Variants in CANT1 observed in about 807,000 individuals in gnomAD.
CANT1 encodes calcium activated nucleotidase 1.
In CANT1, 26 loss-of-function variants were observed where a neutral mutation model predicts 30.0. The observed-to-expected ratio is 0.87, with a 90% CI of 0.64 to 1.20. The LOEUF (loss-of-function observed/expected upper bound fraction) is 1.20, where lower values mean the gene tolerates loss of function less well. Among genes scored for constraint, CANT1 ranks in the 50% most tolerant of loss-of-function variants. CANT1 has a pLI of 0.00. For missense variants in CANT1, 518 were observed against 563.0 expected, an observed-to-expected ratio of 0.92 and a Z score of 0.81; for synonymous variants, 246 against 251.8, an observed-to-expected ratio of 0.98 and a Z score of 0.22.
At position 79,002,032 on chromosome 17, in the gene CANT1, C is replaced by T. The variant is rs796099154; in HGVS notation, c.-146-4069G>A. 6.6e-6 allele frequency among the ~76,000 whole-genome samples: 1 copy of T among 152,044 alleles called. No homozygotes were observed. The highest frequency in any genetic ancestry group is 2.1e-4 in the South Asian group (1 of 4,818). On this transcript the variant is annotated intron_variant, in intron 1 of 4. Coordinates refer to ENST00000392446, the MANE Select transcript of CANT1 (RefSeq NM_001159773.2). This position sits in a 1 kb window ranked among gnomAD's most constrained non-coding sequence, Gnocchi z 4.0. ...TCCCTTCTCCCCATCCACACAGCCT[C>T]GGCTCCAGTTCCATCTCACCCTGAT...
chr17:78,993,993 C>T lies in CANT1; in HGVS notation c.836-73G>A, dbSNP rs376806775. On this transcript the variant is annotated intron_variant, in intron 4 of 4. Transcript: ENST00000392446. This position sits in a 1 kb window ranked among gnomAD's most constrained non-coding sequence, Gnocchi z 4.5. ...CCCAGCCCCACACCATCAGGCCGTG[C>T]GCAGTAGCAGGCAAGGGGCTGCGAC... The T allele has an allele frequency of 3.4e-5, 51 of 1,500,940 alleles. No individual in the cohort carries two copies. Among genetic ancestry groups the T allele is most frequent in the African/African-American group, 9.7e-5 (7 of 72,216 alleles). The allele number at this position is 1,500,940 out of a possible 1,614,324, so 93.0% of individuals were successfully genotyped here. A position where few individuals can be genotyped will look rare whatever the true frequency, so the allele number is the denominator to read the frequency against.
chr17:79,001,276 A>C (rs1172275721), intron 1 of CANT1, among the ~76,000 whole-genome samples: 5 of 152,084 alleles, frequency 3.3e-5, no homozygotes, highest in African/African-American at 9.6e-5. Flanking sequence ...ATTCCTGTCA[A>C]ATCTCCGGCC....
chr17:78,997,464 A>G lies in CANT1; in HGVS notation c.159T>C (p.Ala53=), dbSNP rs8077024. The G allele has an allele frequency of 0.32, 510,405 of 1,594,492 alleles. 86,903 individuals carry two copies. The highest frequency in any genetic ancestry group is 0.62 in the East Asian group (27,679 of 44,514). The change falls in exon 3 of 5, where the codon GCT becomes GCC. Residue 53 remains alanine, a synonymous_variant. Transcript: ENST00000392446. The surrounding 1 kb of genome is among the most constrained non-coding windows in gnomAD (Gnocchi z 7.5). ...GGGAGCAGAGCAGCCAGAGGATGGC[A>G]GCACCCACAAAGAACGTCAGGATCA... ...WKVILTFFVG[A]AILWLLCSHR...
Position 78,992,867 on chromosome 17 carries a change from A to C in CANT1, c.*683T>G. ...TTTAATTAAAGCAGGTTAATAATTA[A>C]AACTTCAAAGTACTGCACAGCCACA... On this transcript the variant is annotated 3_prime_UTR_variant, in exon 5 of 5. Transcript: ENST00000392446. 2.7e-6 allele frequency: 1 copy of C among 370,862 alleles called. No homozygotes were observed. Among genetic ancestry groups the C allele is most frequent in the South Asian group, 2.9e-5 (1 of 34,770 alleles). 23.0% of individuals were successfully genotyped at this position (370,862 alleles called of 1,614,324 possible).
rs1335741553 is a variant in CANT1 at position 78,997,249 on chromosome 17, CA to C, written c.373del (p.Trp125GlyfsTer5). On this transcript the variant is annotated frameshift_variant, in exon 3 of 5. Transcript: ENST00000392446. LOFTEE classifies it high-confidence loss of function. The surrounding 1 kb of genome is among the most constrained non-coding windows in gnomAD (Gnocchi z 7.5). ...TESRAQEENTWFSYLKKGYLT... is the reference protein window; with the variant it reads ...TESRAQEENTXFSYLKKGYLT... ...GTAGCCCTTTTTCAGGTAACTGAACCAGGTGTTTTCCTCTTGGGCCCTTGAC... is the reference window on the plus strand; with the variant it reads ...GTAGCCCTTTTTCAGGTAACTGAACCGGTGTTTTCCTCTTGGGCCCTTGAC... 6.2e-7 allele frequency: 1 copy of C among 1,614,234 alleles called. No individual in the cohort carries two copies. Among genetic ancestry groups the C allele is most frequent in the Non-Finnish European group, 8.5e-7 (1 of 1,180,050 alleles).
At position 79,002,514 on chromosome 17, in the gene CANT1, TGTAGACGCGGCCTGC is replaced by T. The variant is rs966258678; in HGVS notation, c.-146-4566_-146-4552del. Among the ~76,000 whole-genome samples the T allele has an allele frequency of 4.6e-5, 7 of 152,042 alleles. No individual in the cohort carries two copies. The highest frequency in any genetic ancestry group is 7.2e-5 in the African/African-American group (3 of 41,384). On this transcript the variant is annotated intron_variant, in intron 1 of 4. Coordinates refer to ENST00000392446, the MANE Select transcript of CANT1 (RefSeq NM_001159773.2). The surrounding 1 kb of genome is among the most constrained non-coding windows in gnomAD (Gnocchi z 4.0). ...CTTGGTGTGTAGACTCTGCCTGGTG[TGTAGACGCGGCCTGC>T]GTAGACGCGGCCTGCTGTGTAGTCA...
Position 78,997,295 on chromosome 17 carries a change from T to C in CANT1, c.328A>G (p.Ile110Val), listed in dbSNP as rs771678393. The C allele has an allele frequency of 6.2e-7, 1 of 1,614,104 alleles. No homozygotes were observed. Among genetic ancestry groups the C allele is most frequent in the African/African-American group, 1.3e-5 (1 of 74,936 alleles). The change falls in exon 3 of 5, where the codon ATC becomes GTC. Residue 110 changes from isoleucine (I) to valine (V), a missense_variant. Physicochemically the swap from Ile to Val is conservative, Grantham distance 29. This residue lies in a region of CANT1 where 249 missense variants were observed against 268.8 expected (regional missense o/e 0.93). Transcript: ENST00000392446. The surrounding 1 kb of genome is among the most constrained non-coding windows in gnomAD (Gnocchi z 7.5). ...PAGIRYRIAV[I>V]ADLDTESRAQ... The stretch of plus-strand genomic sequence containing the variant: ...CTTGACTCTGTGTCCAGGTCTGCGA[T>C]AACTGCGATTCGATACCGAATCCCA...
chr17:78,999,878 C>A (rs1012953861), intron 1 of CANT1, among the ~76,000 whole-genome samples: 6 of 152,026 alleles, frequency 3.9e-5, no homozygotes, highest in African/African-American at 1.4e-4. Context: ...GTCTTGAACT[C>A]CTGACCTCAG....
In CANT1 at chr17:78,997,753, A is replaced by G. The variant is rs1460278244; in HGVS notation, c.-23+87T>C. On this transcript the variant is annotated intron_variant, in intron 2 of 4. Coordinates refer to ENST00000392446, the MANE Select transcript of CANT1 (RefSeq NM_001159773.2). This position sits in a 1 kb window ranked among gnomAD's most constrained non-coding sequence, Gnocchi z 7.5. ...GGCTGACTTTTCCAGAAGAAACAGT[A>G]TTTCACTACTCTGTGGCCATTCTTA... 8 of 936,344 alleles carry G rather than the reference A, an allele frequency of 8.5e-6. No homozygotes were observed. Among genetic ancestry groups the G allele is most frequent in the Non-Finnish European group, 1.2e-5 (8 of 644,202 alleles). The allele number at this position is 936,344 out of a possible 1,614,324, so 58.0% of individuals were successfully genotyped here.
rs141394010 is a variant in CANT1, at chr17:79,007,822, G to A, written c.-147+1842C>T. On this transcript the variant is annotated intron_variant, in intron 1 of 4. Transcript: ENST00000392446. Reference sequence around the variant, plus strand: ...TAGGAAAATATGGTTATAGCCTAAGGGGAAGAAAGGAGACCTCTGGCAATC... The same window carrying A: ...TAGGAAAATATGGTTATAGCCTAAGAGGAAGAAAGGAGACCTCTGGCAATC... Among the ~76,000 whole-genome samples the A allele has an allele frequency of 5.4e-3, 823 of 152,350 alleles. 7 individuals are homozygous for A. The highest frequency in any genetic ancestry group is 8.5e-3 in the Non-Finnish European group (576 of 68,038).
At position 79,001,720 on chromosome 17, in the gene CANT1, G is replaced by C. The variant is rs922470223; in HGVS notation, c.-146-3757C>G. Among the ~76,000 whole-genome samples, 10 of 152,154 alleles carry C rather than the reference G, an allele frequency of 6.6e-5. 1 individual carries two copies. The highest frequency in any genetic ancestry group is 2.4e-4 in the African/African-American group (10 of 41,508). On this transcript the variant is annotated intron_variant, in intron 1 of 4. Coordinates refer to ENST00000392446, the MANE Select transcript of CANT1 (RefSeq NM_001159773.2). ...CAGTGTCCCTCCTCGAGGCAGGGGG[G>C]CACTCTCTGTGGGCCTCCTCCCAGG...
In CANT1 at chr17:79,008,317, C is replaced by T. The variant is rs1413505628; in HGVS notation, c.-147+1347G>A. On this transcript the variant is annotated intron_variant, in intron 1 of 4. Transcript: ENST00000392446. This position sits in a 1 kb window ranked among gnomAD's most constrained non-coding sequence, Gnocchi z 4.4. ...GTCTGTGGTCCAGGCCTGGAGGGAC[C>T]TTTCTCAGCAAAGCTCCTCAGAGGG... is the stretch of plus-strand genomic sequence containing the variant. 1.3e-5 allele frequency: 2 copies of T among 152,386 alleles called. No homozygotes were observed. Among genetic ancestry groups the T allele is most frequent in the African/African-American group, 4.8e-5 (2 of 41,438 alleles). The allele number at this position is 152,386 out of a possible 1,614,324, so 9.4% of individuals were successfully genotyped here.
chr17:78,992,819 C>T lies in CANT1; in HGVS notation c.*731G>A. ...TCTGTGTGATAAGATTTGGTGATTC[C>T]ACTTTATAAGAAAGGAAACTGCTTT... On this transcript the variant is annotated 3_prime_UTR_variant, in exon 5 of 5. Coordinates refer to ENST00000392446, the MANE Select transcript of CANT1 (RefSeq NM_001159773.2). 1 of 420,600 alleles carries T rather than the reference C, an allele frequency of 2.4e-6. No individual in the cohort carries two copies. 26.1% of individuals were successfully genotyped at this position (420,600 alleles called of 1,614,324 possible). A position where few individuals can be genotyped will look rare whatever the true frequency, so the allele number is the denominator to read the frequency against.
intron 1 of CANT1, among the ~76,000 whole-genome samples, chr17:79,000,737 C>T (rs965492740): frequency 1.3e-5 from 2 of 152,240 alleles, no homozygotes; most frequent in African/African-American, 4.8e-5. Flanking sequence ...ACAGTCGGGC[C>T]TGCTCTTCGC....
rs2070894437 is a variant in CANT1, at chr17:78,993,168, C to G, written c.*382G>C. 2.6e-6 allele frequency: 1 copy of G among 378,442 alleles called. No homozygotes were observed. The highest frequency in any genetic ancestry group is 2.0e-5 in the African/African-American group (1 of 49,658). 23.4% of individuals were successfully genotyped at this position (378,442 alleles called of 1,614,324 possible). A position where few individuals can be genotyped will look rare whatever the true frequency, so the allele number is the denominator to read the frequency against. On this transcript the variant is annotated 3_prime_UTR_variant, in exon 5 of 5. Transcript: ENST00000392446. The surrounding 1 kb of genome is among the most constrained non-coding windows in gnomAD (Gnocchi z 4.5). ...TCCCAGCAAACAGGTCCACCTCATG[C>G]TCACTGCGTTCTCAGGGTGAGGCAT... is the stretch of plus-strand genomic sequence containing the variant.
In CANT1 at chr17:78,993,385, C is replaced by CG; in HGVS notation, c.*164dup. 3.0e-6 allele frequency: 3 copies of CG among 993,148 alleles called. No homozygotes were observed. Among genetic ancestry groups the CG allele is most frequent in the Non-Finnish European group, 4.5e-6 (3 of 667,430 alleles). The allele number at this position is 993,148 out of a possible 1,614,324, so 61.5% of individuals were successfully genotyped here. On this transcript the variant is annotated 3_prime_UTR_variant, in exon 5 of 5. Transcript: ENST00000392446. This position sits in a 1 kb window ranked among gnomAD's most constrained non-coding sequence, Gnocchi z 4.5. ...TTCAGACCGCGGCCTCCGTGGGGCC[C>CG]GGGGGTCCAGTGCCCGCACCACTAT...
rs1199102526 is a variant in CANT1, at chr17:78,992,959, G to GAGAACC, written c.*585_*590dup. ...GCGGAGATGGTTTTATCTGAGGCCT[G>GAGAACC]AGAACCAACAGATGTGCCTGCGCCC... On this transcript the variant is annotated 3_prime_UTR_variant, in exon 5 of 5. Coordinates refer to ENST00000392446, the MANE Select transcript of CANT1 (RefSeq NM_001159773.2). 5.6e-6 allele frequency: 2 copies of GAGAACC among 354,620 alleles called. No homozygotes were observed. The highest frequency in any genetic ancestry group is 1.1e-5 in the Non-Finnish European group (2 of 186,060). 22.0% of individuals were successfully genotyped at this position (354,620 alleles called of 1,614,324 possible).
rs1035896337 is a variant in CANT1, at chr17:79,008,986, C to T, written c.-147+678G>A. On this transcript the variant is annotated intron_variant, in intron 1 of 4. Transcript: ENST00000392446. The surrounding 1 kb of genome is among the most constrained non-coding windows in gnomAD (Gnocchi z 4.4). ...GTGCCAGTCAGAGGGAGAAAATTCCCTTATCAGTCCAAGGAGACCCTGCAT... is the reference window on the plus strand; with the variant it reads ...GTGCCAGTCAGAGGGAGAAAATTCCTTTATCAGTCCAAGGAGACCCTGCAT... 5.3e-5 allele frequency among the ~76,000 whole-genome samples: 8 copies of T among 152,168 alleles called. No individual in the cohort carries two copies. The highest frequency in any genetic ancestry group is 1.4e-4 in the African/African-American group (6 of 41,440).
Position 78,993,418 on chromosome 17 carries a change from G to A in CANT1, c.*132C>T, listed in dbSNP as rs1346702393. ...CAGTGCCCGCACCACTATGGGGCCCGGGACTGGGCTCCCTGTCCAGACCTC... is the reference window on the plus strand; with the variant it reads ...CAGTGCCCGCACCACTATGGGGCCCAGGACTGGGCTCCCTGTCCAGACCTC... On this transcript the variant is annotated 3_prime_UTR_variant, in exon 5 of 5. Coordinates refer to ENST00000392446, the MANE Select transcript of CANT1 (RefSeq NM_001159773.2). This position sits in a 1 kb window ranked among gnomAD's most constrained non-coding sequence, Gnocchi z 4.5. The A allele has an allele frequency of 8.7e-6, 12 of 1,382,466 alleles. No homozygotes were observed. The East Asian group carries it at 1.7e-4, about 20-fold the overall frequency. 85.6% of individuals were successfully genotyped at this position (1,382,466 alleles called of 1,614,324 possible).
Sources: gnomAD v4.1 joint callset for allele counts (sites outside exome capture counted in the v4.1 genomes callset) on GRCh38, gnomAD v4.1.1 for gene constraint, gnomAD v4.1.1 regional missense constraint, Gnocchi (gnomAD v3.1) non-coding constraint, MANE v1.5 for transcripts, NCBI Gene and HGNC (gene_info 2026-07-23, HGNC 2026-07-21) for gene names.